BAZ2B: variants seen among roughly 807,000 people sequenced by gnomAD.
BAZ2B encodes bromodomain adjacent to zinc finger domain 2B.
A neutral mutation model predicts 246.0 loss-of-function variants in BAZ2B; 91 were observed. That is an observed-to-expected ratio of 0.37 (90% CI 0.31 to 0.44). BAZ2B has a LOEUF of 0.44. BAZ2B is among the 20% of genes least tolerant of loss of function. BAZ2B has a pLI of 1.00. For synonymous variants in BAZ2B, 855 were observed against 860.0 expected, an observed-to-expected ratio of 0.99 and a Z score of 0.10; for missense variants, 2,332 against 2,533.7, an observed-to-expected ratio of 0.92 and a Z score of 1.71.
intron 27 of BAZ2B, among the ~76,000 whole-genome samples, chr2:159,353,991 C>T (rs917261363): frequency 6.6e-6 from 1 of 152,014 alleles, no homozygotes; most frequent in Non-Finnish European, 1.5e-5. Flanking sequence ...TCAAAGTTAG[C>T]AGGCATGCAA....
At chr2:159,474,118 T>C (rs1013896332) in intron 3 of BAZ2B, among the ~76,000 whole-genome samples, 1 of 152,184 alleles carries the variant, frequency 6.6e-6, no homozygotes, top group Non-Finnish European at 1.5e-5. Flanking sequence ...AATATCCTTG[T>C]TAATTTTCTG....
chr2:159,546,991 A>G lies in BAZ2B; in HGVS notation c.-3+8832T>C, dbSNP rs368352074. ...CTACGTTTTCTGAAATTTCCTTTCCATAAAGATGACACTGAAAATATAAAG... is the reference window on the plus strand; with the variant it reads ...CTACGTTTTCTGAAATTTCCTTTCCGTAAAGATGACACTGAAAATATAAAG... On this transcript the variant is annotated intron_variant, in intron 2 of 36. Coordinates refer to ENST00000392783, the MANE Select transcript of BAZ2B (RefSeq NM_013450.4). 7.8e-4 allele frequency among the ~76,000 whole-genome samples: 119 copies of G among 152,312 alleles called. 1 individual carries two copies. In the South Asian group the frequency reaches 0.023, roughly 30 times the overall value.
intron 25 of BAZ2B, among the ~76,000 whole-genome samples, chr2:159,379,714 G>A (rs564190423): frequency 1.3e-5 from 2 of 152,004 alleles, no homozygotes; most frequent in African/African-American, 4.8e-5. Flanking sequence ...ACATTCCATC[G>A]ATAAATTCAT....
chr2:159,658,688 C>T, the BAZ2B span, among the ~76,000 whole-genome samples: 1 of 151,894 alleles, frequency 6.6e-6, no homozygotes, highest in South Asian at 2.1e-4. Context: ...CTGGATAATT[C>T]TTTGTATTTT....
intron 2 of BAZ2B, among the ~76,000 whole-genome samples, chr2:159,529,770 G>C (rs1029431736): frequency 1.3e-5 from 2 of 151,826 alleles, no homozygotes; most frequent in African/African-American, 4.8e-5. Flanking sequence ...CTTAGCACAT[G>C]CAAGTAACTA....
At chr2:159,490,242 T>A (rs942433937) in intron 2 of BAZ2B, among the ~76,000 whole-genome samples, 14 of 152,166 alleles carry the variant, frequency 9.2e-5, no homozygotes, top group African/African-American at 3.1e-4. Context: ...AATATATAGA[T>A]GAAACATGTA....
At chr2:159,547,376 T>A (rs917220145) in intron 2 of BAZ2B, among the ~76,000 whole-genome samples, 10 of 152,128 alleles carry the variant, frequency 6.6e-5, no homozygotes, top group African/African-American at 1.2e-4. Context: ...ACAAAAAAAA[T>A]TTTCCATTTT....
intron 4 of BAZ2B, among the ~76,000 whole-genome samples, chr2:159,451,199 C>T (rs932632624): frequency 1.3e-5 from 2 of 151,690 alleles, no homozygotes; most frequent in African/African-American, 4.8e-5. Flanking sequence ...CAAAAAAGTA[C>T]AAATATTTTT....
intron 13 of BAZ2B, among the ~76,000 whole-genome samples, chr2:159,420,667 C>A (rs2068594363): frequency 6.6e-6 from 1 of 152,134 alleles, no homozygotes; most frequent in Non-Finnish European, 1.5e-5. Flanking sequence ...TATTTTGACG[C>A]CTTCCTCTAG....
At chr2:159,413,832 A>C (rs555641692) in intron 13 of BAZ2B, among the ~76,000 whole-genome samples, 1 of 152,234 alleles carries the variant, frequency 6.6e-6, no homozygotes, top group South Asian at 2.1e-4. Context: ...AAATAAGTAC[A>C]ACCACTATGG....
intron 27 of BAZ2B, among the ~76,000 whole-genome samples, chr2:159,367,638 C>T (rs2060359297): frequency 6.6e-6 from 1 of 152,166 alleles, no homozygotes; most frequent in East Asian, 1.9e-4. Flanking sequence ...GTAATCCCAG[C>T]ACTTTGGGAG....
At chr2:159,433,512 A>T in intron 8 of BAZ2B, 149 bp from the exon 9 acceptor site, 2 of 648,810 alleles carry the variant, frequency 3.1e-6, no homozygotes, top group Non-Finnish European at 4.9e-6. Context: ...AAGTAGCAAC[A>T]GCTATGACTA....
At chr2:159,522,877 C>A (rs1291560260) in intron 2 of BAZ2B, among the ~76,000 whole-genome samples, 1 of 152,004 alleles carries the variant, frequency 6.6e-6, no homozygotes, top group Non-Finnish European at 1.5e-5. Context: ...AAAAAAAAAT[C>A]CTAAAACATG....
intron 1 of BAZ2B, among the ~76,000 whole-genome samples, chr2:159,607,778 T>C (rs777979324): frequency 1.1e-4 from 17 of 152,198 alleles, no homozygotes; most frequent in Non-Finnish European, 2.1e-4. Flanking sequence ...TTGTTCTTGA[T>C]CTAGTTCAAT....
intron 3 of BAZ2B, among the ~76,000 whole-genome samples, chr2:159,454,290 A>G (rs1475692112): frequency 6.6e-6 from 1 of 152,180 alleles, no homozygotes; most frequent in Non-Finnish European, 1.5e-5. Flanking sequence ...CCAGAGTTGA[A>G]GCTCTGTTCT....
intron 27 of BAZ2B, among the ~76,000 whole-genome samples, chr2:159,355,408 T>G (rs2058997744): frequency 6.6e-6 from 1 of 152,178 alleles, no homozygotes. Context: ...AGATTCTTAT[T>G]ATGTCTATTT....
chr2:159,469,028 C>A (rs1244063712), intron 3 of BAZ2B, among the ~76,000 whole-genome samples: 3 of 131,034 alleles, frequency 2.3e-5, no homozygotes, highest in Non-Finnish European at 1.6e-5. Flanking sequence ...TCAGCCCAGG[C>A]GTTAGTTCAA....
chr2:159,620,714 T>C (rs1696397174), upstream of BAZ2B, among the ~76,000 whole-genome samples: 2 of 151,636 alleles, frequency 1.3e-5, no homozygotes, highest in Non-Finnish European at 2.9e-5. Flanking sequence ...AAATTCTGTA[T>C]GCGGGAATAT....
intron 13 of BAZ2B, among the ~76,000 whole-genome samples, chr2:159,421,173 C>A (rs1463375648): frequency 1.6e-5 from 2 of 123,398 alleles, no homozygotes; most frequent in Non-Finnish European, 3.9e-5. Flanking sequence ...TCTTTCTTTA[C>A]ATTTTTTTTT....
Sources: allele counts gnomAD v4.1 joint callset (sites outside exome capture counted in the v4.1 genomes callset), GRCh38; gene constraint gnomAD v4.1.1; transcripts MANE v1.5; gene names NCBI Gene and HGNC (gene_info 2026-07-23, HGNC 2026-07-21).